DNAL1: variants seen among roughly 807,000 people sequenced by gnomAD.
DNAL1 encodes the protein chromosome 14 open reading frame 168.
Under a neutral mutation model 29.4 loss-of-function variants are expected in DNAL1, and 17 were observed. The observed-to-expected ratio is 0.58, with a 90% CI of 0.40 to 0.87. DNAL1 has a LOEUF of 0.87. Ranked by LOEUF, DNAL1 falls within the 40% of genes least tolerant of loss-of-function variation. The pLI is 0.00. For synonymous variants in DNAL1, 78 were observed against 76.3 expected, an observed-to-expected ratio of 1.02 and a Z score of -0.12; for missense variants, 188 against 214.1, an observed-to-expected ratio of 0.88 and a Z score of 0.76.
chr14:73,690,019 A>G (rs1892130007), intron 7 of DNAL1, among the ~76,000 whole-genome samples: 2 of 147,074 alleles, frequency 1.4e-5, no homozygotes, highest in South Asian at 2.2e-4. Context: ...CTGGGCAAAA[A>G]AGAGTGAAAT....
intron 5 of DNAL1, among the ~76,000 whole-genome samples, chr14:73,675,322 C>A (rs940732174): frequency 2.0e-5 from 3 of 151,758 alleles, no homozygotes; most frequent in African/African-American, 7.2e-5. Flanking sequence ...GGCATGATTA[C>A]AGCTCACTGT....
chr14:73,687,480 A>G (rs1892047277), intron 6 of DNAL1, 95 bp downstream of exon 6: 3 of 1,355,254 alleles, frequency 2.2e-6, no homozygotes, highest in Non-Finnish European at 2.9e-6. Context: ...GTTTATTTCT[A>G]AGCACAGAGA....
chr14:73,646,000 G>C (rs1339689167), intron 1 of DNAL1, among the ~76,000 whole-genome samples: 4 of 152,162 alleles, frequency 2.6e-5, no homozygotes, highest in African/African-American at 4.8e-5. Context: ...CAGAAATTGA[G>C]CCCAGGAGAT....
In DNAL1 at chr14:73,700,197, TAA is replaced by T. The variant is rs1218896294; in HGVS notation, c.*4259_*4260del. 2.0e-5 allele frequency: 3 copies of T among 151,946 alleles called. No homozygotes were observed. Among genetic ancestry groups the T allele is most frequent in the Non-Finnish European group, 4.4e-5 (3 of 67,996 alleles). The allele number at this position is 151,946 out of a possible 1,614,324, so 9.4% of individuals were successfully genotyped here. On this transcript the variant is annotated 3_prime_UTR_variant, in exon 8 of 8. Coordinates refer to ENST00000553645, the MANE Select transcript of DNAL1 (RefSeq NM_031427.4). ...TGAAACCCCATGTCTACCAAAAATA[TAA>T]AAAGATAGCCGGGCGTGGTGGCGCA...
intron 2 of DNAL1, among the ~76,000 whole-genome samples, chr14:73,658,125 A>G (rs114148009): frequency 0.042 from 6,337 of 152,258 alleles, 461 homozygotes; most frequent in African/African-American, 0.14. Flanking sequence ...GCATTTGGAT[A>G]TCCAATTTTT....
Position 73,654,858 on chromosome 14 carries a change from A to G in DNAL1, c.15A>G (p.Thr5=). The G allele has an allele frequency of 6.5e-7, 1 of 1,532,034 alleles. No individual in the cohort carries two copies. Among genetic ancestry groups the G allele is most frequent in the Non-Finnish European group, 8.8e-7 (1 of 1,142,154 alleles). 94.9% of individuals were successfully genotyped at this position (1,532,034 alleles called of 1,614,324 possible). MAKA[T]TIKEALARWE... is the part of the protein sequence containing the mutation. ...TTTTTTTTTTAAAGGCGAAAGCAAC[A>G]ACAATCAAAGAAGCCTTAGCGAGAT... The change falls in exon 2 of 8, where the codon ACA becomes ACG. Residue 5 remains threonine (T), a synonymous_variant. Transcript: ENST00000553645.
intron 5 of DNAL1, 94 bp from the exon 6 acceptor site, chr14:73,687,165 T>G: frequency 1.3e-6 from 2 of 1,485,478 alleles, no homozygotes; most frequent in Non-Finnish European, 1.8e-6. Context: ...AGGGTCTAAG[T>G]TCACTTTGGA....
chr14:73,664,435 AAAAGTC>A (rs1043452039), intron 4 of DNAL1, among the ~76,000 whole-genome samples: 133 of 152,322 alleles, frequency 8.7e-4, no homozygotes, highest in African/African-American at 3.1e-3. Flanking sequence ...ATGTCGCATT[AAAAGTC>A]ATCTAAAAGC....
Position 73,695,938 on chromosome 14 carries a change from A to G in DNAL1, c.569A>G (p.Asn190Ser), listed in dbSNP as rs1345412145. The change falls in exon 8 of 8, where the codon AAC becomes AGC. Residue 190 changes from asparagine (N) to serine (S), a missense_variant. Physicochemically the swap from Asn to Ser is conservative, Grantham distance 46 (BLOSUM62 1). Coordinates refer to ENST00000553645, the MANE Select transcript of DNAL1 (RefSeq NM_031427.4). ...PVIKGDEEED[N>S] is the part of the protein sequence containing the mutation. ...ATTAAAGGGGATGAGGAAGAAGACA[A>G]CTAATGCCACGCTTTCCACTGTGTG... The G allele has an allele frequency of 1.3e-6, 2 of 1,589,548 alleles. No individual in the cohort carries two copies. Among genetic ancestry groups the G allele is most frequent in the African/African-American group, 2.7e-5 (2 of 74,592 alleles).
intron 3 of DNAL1, among the ~76,000 whole-genome samples, chr14:73,661,508 G>A (rs1891356818): frequency 6.6e-6 from 1 of 152,186 alleles, no homozygotes; most frequent in South Asian, 2.1e-4. Flanking sequence ...ACTTTGGGAG[G>A]CCGAAGCAAG....
chr14:73,682,060 C>T (rs917757090), intron 5 of DNAL1, among the ~76,000 whole-genome samples: 2 of 150,708 alleles, frequency 1.3e-5, no homozygotes, highest in Non-Finnish European at 3.0e-5. Flanking sequence ...TGCAGTGAGC[C>T]GAGATCGCAC....
intron 1 of DNAL1, among the ~76,000 whole-genome samples, chr14:73,648,296 A>T (rs1048904496): frequency 6.8e-6 from 1 of 146,986 alleles, no homozygotes; most frequent in African/African-American, 2.5e-5. Flanking sequence ...CCCTTTCTTT[A>T]TGTGCTCACC....
intron 7 of DNAL1, among the ~76,000 whole-genome samples, chr14:73,692,774 T>TGA (rs1295873083): frequency 6.6e-6 from 1 of 151,846 alleles, no homozygotes; most frequent in East Asian, 1.9e-4. Flanking sequence ...AGAACAGAGA[T>TGA]GGCCACAGCT....
chr14:73,662,401 C>T (rs1891377213), intron 4 of DNAL1, among the ~76,000 whole-genome samples: 3 of 152,178 alleles, frequency 2.0e-5, no homozygotes, highest in Admixed American at 6.5e-5. Flanking sequence ...TCCTTATCCT[C>T]GTTAATGACA....
At chr14:73,665,522 G>A (rs964498439) in intron 4 of DNAL1, among the ~76,000 whole-genome samples, 2 of 152,122 alleles carry the variant, frequency 1.3e-5, no homozygotes, top group Non-Finnish European at 2.9e-5. Context: ...TGGGCACGGT[G>A]GCTCACACCT....
chr14:73,667,279 T>C (rs1389936672), intron 4 of DNAL1, among the ~76,000 whole-genome samples: 1 of 148,430 alleles, frequency 6.7e-6, no homozygotes, highest in African/African-American at 2.5e-5. Flanking sequence ...CTAGCCAACA[T>C]GGTGAAACCT....
intron 1 of DNAL1, among the ~76,000 whole-genome samples, chr14:73,648,102 C>T (rs1012939365): frequency 2.0e-5 from 3 of 152,014 alleles, no homozygotes; most frequent in East Asian, 3.9e-4. Context: ...TTCAGCCTCC[C>T]GAGTAGCTGG....
rs1303775141 is a variant in DNAL1, at chr14:73,701,975, T to C, written c.*6033T>C. 1 of 151,972 alleles carries C rather than the reference T, an allele frequency of 6.6e-6. No homozygotes were observed. The highest frequency in any genetic ancestry group is 1.5e-5 in the Non-Finnish European group (1 of 67,986). The allele number at this position is 151,972 out of a possible 1,614,324, so 9.4% of individuals were successfully genotyped here. A position where few individuals can be genotyped will look rare whatever the true frequency, so the allele number is the denominator to read the frequency against. On this transcript the variant is annotated 3_prime_UTR_variant, in exon 8 of 8. Transcript: ENST00000553645. ...AAAAAAAAAGTATATTTTTGGTACA[T>C]GATTATTAGTTTTAGCTAATATAGA...
At position 73,689,372 on chromosome 14, in the gene DNAL1, T is replaced by C. The variant is rs1480851015; in HGVS notation, c.392-3T>C. 6.4e-7 allele frequency: 1 copy of C among 1,551,894 alleles called. No individual in the cohort carries two copies. Among genetic ancestry groups the C allele is most frequent in the Non-Finnish European group, 8.7e-7 (1 of 1,147,056 alleles). On this transcript the variant is annotated splice_region_variant and splice_polypyrimidine_tract_variant and intron_variant, in intron 6 of 7. Coordinates refer to ENST00000553645, the MANE Select transcript of DNAL1 (RefSeq NM_031427.4). ...AATATGGAAAATATTCTTTTACTTG[T>C]AGCTGAGTTTGTGAAGCTGGCAGAA...
Sources: allele counts gnomAD v4.1 joint callset (sites outside exome capture counted in the v4.1 genomes callset), GRCh38; gene constraint gnomAD v4.1.1; transcripts MANE v1.5; gene names NCBI Gene and HGNC (gene_info 2026-07-23, HGNC 2026-07-21).